The following CSMD2 variants were observed in gnomAD, a reference collection of about 807,000 sequenced individuals.
The protein encoded by CSMD2 is CUB and sushi domain-containing protein 2.
CSMD2 carries 130 observed loss-of-function variants against 398.5 expected under a neutral mutation model. The observed-to-expected ratio is 0.33, with a 90% CI of 0.28 to 0.38. The LOEUF (loss-of-function observed/expected upper bound fraction) is 0.38, where lower values mean the gene tolerates loss of function less well. CSMD2 is among the 10% of genes least tolerant of loss of function. CSMD2 has a pLI of 1.00. For missense variants in CSMD2, 3,829 were observed against 4,764.9 expected (o/e 0.80, Z 5.78); for synonymous variants, 1,828 against 1,908.5 (o/e 0.96, Z 1.10).
intron 2 of CSMD2, among the ~76,000 whole-genome samples, chr1:34,065,174 T>C (rs1422050553): frequency 6.6e-6 from 1 of 152,160 alleles, no homozygotes; most frequent in Non-Finnish European, 1.5e-5. Flanking sequence ...CACCTCATGA[T>C]GGTCTCTTAA....
In CSMD2 at chr1:33,649,059, A is replaced by G. The variant is rs561687087; in HGVS notation, c.4587-2224T>C. Among the ~76,000 whole-genome samples the G allele has an allele frequency of 4.6e-5, 7 of 152,294 alleles. No individual in the cohort carries two copies. The South Asian group carries it at 6.2e-4, about 14-fold the overall frequency. ...ATTTTTTATTTTCATCTTAAATTCA[A>G]TTTTTCCACAAACTTTTTGAAGTCC... On this transcript the variant is annotated intron_variant, in intron 28 of 70. Transcript: ENST00000373381.
chr1:33,660,607 T>C (rs537636752), intron 26 of CSMD2, among the ~76,000 whole-genome samples: 1 of 152,338 alleles, frequency 6.6e-6, no homozygotes, highest in South Asian at 2.1e-4. Context: ...GAAGGTGACC[T>C]TTCCCAAACC....
chr1:33,564,388 T>C (rs1314369252), intron 53 of CSMD2, among the ~76,000 whole-genome samples: 2 of 152,224 alleles, frequency 1.3e-5, no homozygotes, highest in Non-Finnish European at 2.9e-5. Context: ...TAACGTTCAA[T>C]GTCTTTAGGC....
At chr1:33,956,414 T>C (rs1340070114) in intron 3 of CSMD2, among the ~76,000 whole-genome samples, 1 of 152,138 alleles carries the variant, frequency 6.6e-6, no homozygotes, top group African/African-American at 2.4e-5. Context: ...TGGAATCATA[T>C]CGTTTTTATC....
In CSMD2 at chr1:34,041,635, A is replaced by G. The variant is rs78167689; in HGVS notation, c.405-8929T>C. Among the ~76,000 whole-genome samples the G allele has an allele frequency of 6.6e-3, 1,009 of 152,160 alleles. 13 individuals are homozygous for G. Among genetic ancestry groups the G allele is most frequent in the East Asian group, 0.049 (252 of 5,148 alleles). ...GGCTTTGACGTGCCAGGCTTGCAGC[A>G]AGGAGACCCTAAAAGACCCCTCACC... is the stretch of plus-strand genomic sequence containing the variant. On this transcript the variant is annotated intron_variant, in intron 2 of 70. Coordinates refer to ENST00000373381, the MANE Select transcript of CSMD2 (RefSeq NM_001281956.2).
chr1:33,569,420 C>A lies in CSMD2; in HGVS notation c.8085G>T (p.Glu2695Asp). 1 of 1,614,222 alleles carries A rather than the reference C, an allele frequency of 6.2e-7. No homozygotes were observed. Among genetic ancestry groups the A allele is most frequent in the Non-Finnish European group, 8.5e-7 (1 of 1,180,036 alleles). Reference protein sequence around the residue: ...GYTLVGSRVRECMANGLWSGS... With the variant: ...GYTLVGSRVRDCMANGLWSGS... The stretch of plus-strand genomic sequence containing the variant: ...CACTCCAGAGCCCATTGGCCATGCA[C>A]TCACGCACCCTGGAGCCCACCAGTG... Residue 2695 changes from glutamate to aspartate, a missense_variant, in exon 52 of 71, where the codon GAG becomes GAT. Transcript: ENST00000373381.
At chr1:33,799,795 C>G (rs1161360828) in intron 10 of CSMD2, among the ~76,000 whole-genome samples, 3 of 152,212 alleles carry the variant, frequency 2.0e-5, no homozygotes, top group Non-Finnish European at 4.4e-5. Flanking sequence ...GAGGGAACCA[C>G]CAAGCCAGCC....
Position 33,533,643 on chromosome 1 carries a change from T to C in CSMD2, c.9991+153A>G, listed in dbSNP as rs1321689186. Reference sequence around the variant, plus strand: ...AAGGCTTTTGTGTGGAAGTCTTCTGTGAGGCCCCAAAGTGTAAGGACTACA... The same window carrying C: ...AAGGCTTTTGTGTGGAAGTCTTCTGCGAGGCCCCAAAGTGTAAGGACTACA... On this transcript the variant is annotated intron_variant, in intron 63 of 70. Coordinates refer to ENST00000373381, the MANE Select transcript of CSMD2 (RefSeq NM_001281956.2). The surrounding 1 kb of genome is among the most constrained non-coding windows in gnomAD (Gnocchi z 4.2). 6.6e-6 allele frequency among the ~76,000 whole-genome samples: 1 copy of C among 152,172 alleles called. No individual in the cohort carries two copies. Among genetic ancestry groups the C allele is most frequent in the Non-Finnish European group, 1.5e-5 (1 of 68,024 alleles).
intron 1 of CSMD2, among the ~76,000 whole-genome samples, chr1:34,124,897 A>C (rs1662578443): frequency 6.6e-6 from 1 of 152,222 alleles, no homozygotes; most frequent in Non-Finnish European, 1.5e-5. Context: ...GGAGAAACCC[A>C]CCACCAGAAA....
Position 33,700,558 on chromosome 1 carries a change from T to C in CSMD2, c.3692A>G (p.Asp1231Gly), listed in dbSNP as rs1216840200. 3 of 1,614,180 alleles carry C rather than the reference T, an allele frequency of 1.9e-6. No individual in the cohort carries two copies. Among genetic ancestry groups the C allele is most frequent in the Non-Finnish European group, 1.7e-6 (2 of 1,180,036 alleles). The change falls in exon 23 of 71, where the codon GAT becomes GGT. Residue 1231 changes from aspartate to glycine, a missense_variant. Physicochemically the swap from Asp to Gly is moderately conservative, Grantham distance 94. Coordinates refer to ENST00000373381, the MANE Select transcript of CSMD2 (RefSeq NM_001281956.2). ...AAAGCCCTTGCTGGTGTTTTCAGCA[T>C]CAGTGATGAAATCAAGCCACAGACT... Reference protein sequence around the residue: ...SSSLWLDFITDAENTSKGFEL... With the variant: ...SSSLWLDFITGAENTSKGFEL...
In CSMD2 at chr1:33,540,604, C is replaced by T; in HGVS notation, c.9552G>A (p.Glu3184=). The T allele has an allele frequency of 4.3e-6, 7 of 1,614,198 alleles. No individual in the cohort carries two copies. The highest frequency in any genetic ancestry group is 2.2e-5 in the East Asian group (1 of 44,878). ...CCGCGGGCAGGGAGAGCTGGTACCC[C>T]TCCAGGCAGGCATAAGTCACACTTG... ...WGSSVTYACL[E]GYQLSLPAVF... is the part of the protein sequence containing the mutation. The change falls in exon 60 of 71, where the codon GAG becomes GAA. Residue 3184 remains glutamate, a synonymous_variant. Transcript: ENST00000373381.
intron 4 of CSMD2, among the ~76,000 whole-genome samples, chr1:33,920,382 A>C (rs1643894733): frequency 6.6e-6 from 1 of 151,456 alleles, no homozygotes; most frequent in African/African-American, 2.4e-5. Flanking sequence ...TACAAAAAAA[A>C]AAAAAAAAAG....
chr1:33,772,311 G>A (rs113190326), intron 13 of CSMD2: 8,485 of 365,862 alleles, frequency 0.023, 150 homozygotes, highest in African/African-American at 0.042. Context: ...TTGCTCTTAA[G>A]GATCACCAAG....
chr1:34,136,007 A>G (rs2148511778), intron 1 of CSMD2, among the ~76,000 whole-genome samples: 1 of 152,154 alleles, frequency 6.6e-6, no homozygotes, highest in East Asian at 1.9e-4. Context: ...AAAAGTAGTT[A>G]TAACTAATTA....
chr1:33,697,083 T>G (rs1034247200), intron 24 of CSMD2, among the ~76,000 whole-genome samples: 5 of 152,120 alleles, frequency 3.3e-5, no homozygotes, highest in Non-Finnish European at 7.3e-5. Context: ...GCTCTTATAC[T>G]GCTTGAGTGA....
intron 10 of CSMD2, among the ~76,000 whole-genome samples, chr1:33,795,444 A>G (rs2124892665): frequency 6.6e-6 from 1 of 152,288 alleles, no homozygotes; most frequent in East Asian, 1.9e-4. Context: ...ATGAAACATA[A>G]GAAGGGCATC....
chr1:33,623,403 C>T lies in CSMD2; in HGVS notation c.5689G>A (p.Asp1897Asn). ...CTCCCCAGCATGGTTACAGTGTTAT[C>T]TGCACCATCAAATACTTCCAGCGAG... The part of the protein sequence containing the change: ...WDSLEVFDGA[D>N]NTVTMLGSFS... Residue 1897 changes from aspartate (D) to asparagine (N), a missense_variant, in exon 36 of 71, where the codon GAT becomes AAT. By Grantham distance (23) the Asp-to-Asn change is conservative (BLOSUM62 1). This residue lies in a region of CSMD2 where 2,001 missense variants were observed against 2,567.1 expected (regional missense o/e 0.78). Transcript: ENST00000373381. The T allele has an allele frequency of 6.2e-7, 1 of 1,614,190 alleles. No individual in the cohort carries two copies. The highest frequency in any genetic ancestry group is 8.5e-7 in the Non-Finnish European group (1 of 1,180,028).
chr1:34,058,585 C>T (rs909395332), intron 2 of CSMD2, among the ~76,000 whole-genome samples: 6 of 152,168 alleles, frequency 3.9e-5, no homozygotes, highest in African/African-American at 9.7e-5. Context: ...CCAAGGCAGA[C>T]GAGACAGGGA....
chr1:33,729,191 G>A (rs1474094688), intron 15 of CSMD2, among the ~76,000 whole-genome samples: 1 of 152,122 alleles, frequency 6.6e-6, no homozygotes, highest in Admixed American at 6.5e-5. Context: ...GCCTGTCTAG[G>A]CCACTCTCCA....
Sources: allele counts gnomAD v4.1 joint callset (sites outside exome capture counted in the v4.1 genomes callset), GRCh38; gene constraint gnomAD v4.1.1; regional missense constraint gnomAD v4.1.1; non-coding constraint Gnocchi (gnomAD v3.1); transcripts MANE v1.5; gene names NCBI Gene and HGNC (gene_info 2026-07-23, HGNC 2026-07-21).